Variants in GRIK3 observed in about 807,000 individuals in gnomAD.
GRIK3 encodes glutamate ionotropic receptor kainate type subunit 3.
GRIK3 carries 29 observed loss-of-function variants against 102.5 expected under a neutral mutation model. That is an observed-to-expected ratio of 0.28 (90% CI 0.21 to 0.39). The LOEUF is 0.39. GRIK3 is among the 10% of genes least tolerant of loss of function. The pLI is 1.00. For synonymous variants in GRIK3, 511 were observed against 504.9 expected (o/e 1.01, Z -0.16); for missense variants, 908 against 1,252.4 (o/e 0.73, Z 4.15).
rs1042485198 is a variant in GRIK3, at chr1:36,814,491, C to G, written c.2091+2569G>C. Reference sequence around the variant, plus strand: ...GACACATTCATATGCATGCATGGACCATTATACACATACATAGACCCCCCC... The same window carrying G: ...GACACATTCATATGCATGCATGGACGATTATACACATACATAGACCCCCCC... On this transcript the variant is annotated intron_variant, in intron 13 of 15. Coordinates refer to ENST00000373091, the MANE Select transcript of GRIK3 (RefSeq NM_000831.4). Among the ~76,000 whole-genome samples, 9 of 147,130 alleles carry G rather than the reference C, an allele frequency of 6.1e-5. No homozygotes were observed. In the South Asian group the frequency reaches 1.1e-3, roughly 18 times the overall value.
At chr1:36,807,658 C>G (rs1642515740) in intron 13 of GRIK3, among the ~76,000 whole-genome samples, 1 of 152,268 alleles carries the variant, frequency 6.6e-6, no homozygotes, top group East Asian at 1.9e-4. Flanking sequence ...CTGGCAAGGG[C>G]TGTCCCCTCC....
At chr1:36,876,825 T>C (rs1176818399) in intron 3 of GRIK3, among the ~76,000 whole-genome samples, 5 of 152,228 alleles carry the variant, frequency 3.3e-5, no homozygotes, top group African/African-American at 9.6e-5. Flanking sequence ...GCTCATTGTC[T>C]TCTTGATCAA....
At chr1:37,032,120 C>T (rs1642834162) in intron 1 of GRIK3, among the ~76,000 whole-genome samples, 1 of 152,214 alleles carries the variant, frequency 6.6e-6, no homozygotes, top group Non-Finnish European at 1.5e-5. Flanking sequence ...ACACGCTGAA[C>T]CCAAGAAAGG....
intron 1 of GRIK3, among the ~76,000 whole-genome samples, chr1:36,984,209 T>C: frequency 6.6e-6 from 1 of 152,148 alleles, no homozygotes; most frequent in South Asian, 2.1e-4. Flanking sequence ...TGCACACACA[T>C]TCACTCTCTC....
chr1:36,866,161 T>C (rs1640782142), intron 5 of GRIK3, among the ~76,000 whole-genome samples: 1 of 152,258 alleles, frequency 6.6e-6, no homozygotes, highest in Non-Finnish European at 1.5e-5. Flanking sequence ...ATTACTGGTG[T>C]GAGCCACAAT....
chr1:36,903,839 CAG>C (rs1302871422), intron 1 of GRIK3, among the ~76,000 whole-genome samples: 3 of 152,074 alleles, frequency 2.0e-5, no homozygotes, highest in African/African-American at 7.2e-5. Context: ...GGTAAAAACA[CAG>C]AGGATTTTTA....
At chr1:36,866,845 G>T (rs1050138460) in intron 5 of GRIK3, among the ~76,000 whole-genome samples, 11 of 152,156 alleles carry the variant, frequency 7.2e-5, no homozygotes, top group Non-Finnish European at 4.4e-5. Flanking sequence ...TCATCCATCC[G>T]TCCATCCATC....
In GRIK3 at chr1:36,880,942, TG is replaced by T. The variant is rs755413265; in HGVS notation, c.293-52del. On this transcript the variant is annotated intron_variant, in intron 2 of 15. Coordinates refer to ENST00000373091, the MANE Select transcript of GRIK3 (RefSeq NM_000831.4). This position sits in a 1 kb window ranked among gnomAD's most constrained non-coding sequence, Gnocchi z 5.4. Reference sequence around the variant, plus strand: ...GGGGTCAGCACTGGGGCTGTGGGTATGGGGACAGTGATGCTGATGATCCTGT... The same window carrying T: ...GGGGTCAGCACTGGGGCTGTGGGTATGGGACAGTGATGCTGATGATCCTGT... 1 of 1,538,018 alleles carries T rather than the reference TG, an allele frequency of 6.5e-7. No homozygotes were observed. Among genetic ancestry groups the T allele is most frequent in the South Asian group, 1.2e-5 (1 of 84,280 alleles).
In GRIK3 at chr1:36,850,257, G is replaced by A. The variant is rs903332636; in HGVS notation, c.1326+54C>T. ...TAGAGGGGACTCTCCAGCCCGAACG[G>A]CCACCCCACCCCCAGGTCGGACAGT... On this transcript the variant is annotated intron_variant, in intron 9 of 15. Coordinates refer to ENST00000373091, the MANE Select transcript of GRIK3 (RefSeq NM_000831.4). This position sits in a 1 kb window ranked among gnomAD's most constrained non-coding sequence, Gnocchi z 4.0. 1 of 1,171,666 alleles carries A rather than the reference G, an allele frequency of 8.5e-7. No homozygotes were observed. Among genetic ancestry groups the A allele is most frequent in the Non-Finnish European group, 1.3e-6 (1 of 776,750 alleles). The allele number at this position is 1,171,666 out of a possible 1,614,324, so 72.6% of individuals were successfully genotyped here.
chr1:36,858,649 G>C (rs1218157712), intron 7 of GRIK3, among the ~76,000 whole-genome samples: 1 of 152,170 alleles, frequency 6.6e-6, no homozygotes, highest in African/African-American at 2.4e-5. Flanking sequence ...TTGTGGGGCT[G>C]ATTATTATGT....
intron 13 of GRIK3, among the ~76,000 whole-genome samples, chr1:36,816,195 G>A (rs1642624438): frequency 6.6e-6 from 1 of 152,138 alleles, no homozygotes. Context: ...AAGCCACTTA[G>A]CTGCTCTGGG....
At chr1:36,925,593 G>C (rs1641518563) in intron 1 of GRIK3, among the ~76,000 whole-genome samples, 1 of 152,256 alleles carries the variant, frequency 6.6e-6, no homozygotes, top group African/African-American at 2.4e-5. Context: ...CTCTGGCCTG[G>C]CCTTGCAGTG....
chr1:36,911,562 T>C (rs1641345513), intron 1 of GRIK3, among the ~76,000 whole-genome samples: 1 of 152,112 alleles, frequency 6.6e-6, no homozygotes. Flanking sequence ...TGCACTTCCC[T>C]GGGGTCCCAG....
intron 5 of GRIK3, 27 bp downstream of exon 5, chr1:36,869,721 C>T (rs766029576): frequency 6.4e-7 from 1 of 1,558,126 alleles, no homozygotes; most frequent in Non-Finnish European, 8.9e-7. Context: ...CACCCCTTTC[C>T]CGTGCCAGGA....
intron 10 of GRIK3, among the ~76,000 whole-genome samples, chr1:36,832,533 C>T (rs1209073686): frequency 6.6e-6 from 1 of 152,208 alleles, no homozygotes; most frequent in Non-Finnish European, 1.5e-5. Context: ...GAAACAGGTG[C>T]TAGCCCATTC....
chr1:36,945,132 C>A (rs572963), intron 1 of GRIK3, among the ~76,000 whole-genome samples: 3 of 152,238 alleles, frequency 2.0e-5, no homozygotes, highest in Non-Finnish European at 4.4e-5. Context: ...CAAGGGCGGA[C>A]GCCTTTCTCA....
chr1:36,997,242 G>A (rs763204879), intron 1 of GRIK3, among the ~76,000 whole-genome samples: 8 of 152,206 alleles, frequency 5.3e-5, no homozygotes, highest in Non-Finnish European at 1.0e-4. Context: ...GGTAGGGGCA[G>A]GCACTTTGGG....
At chr1:36,851,519 C>A (rs952188868) in intron 8 of GRIK3, among the ~76,000 whole-genome samples, 5 of 152,262 alleles carry the variant, frequency 3.3e-5, no homozygotes, top group African/African-American at 4.8e-5. Flanking sequence ...CCTAGCAGAG[C>A]ACCTGGGTGC....
chr1:36,917,914 A>G (rs1570798352), intron 1 of GRIK3, among the ~76,000 whole-genome samples: 1 of 151,930 alleles, frequency 6.6e-6, no homozygotes, highest in African/African-American at 2.4e-5. Flanking sequence ...TCATACCCCC[A>G]CCCCCAGTCA....
Sources: allele counts gnomAD v4.1 joint callset (sites outside exome capture counted in the v4.1 genomes callset), GRCh38; gene constraint gnomAD v4.1.1; non-coding constraint Gnocchi (gnomAD v3.1); transcripts MANE v1.5; gene names NCBI Gene and HGNC (gene_info 2026-07-23, HGNC 2026-07-21).